The following CIRBP variants were observed in gnomAD, a reference collection of about 807,000 sequenced individuals.
The protein encoded by CIRBP is cold inducible RNA binding protein, also known as cold-inducible RNA-binding protein.
In CIRBP, 11 loss-of-function variants were observed where a neutral mutation model predicts 22.3. That is an observed-to-expected ratio of 0.49 (90% CI 0.31 to 0.82). The LOEUF (loss-of-function observed/expected upper bound fraction) is 0.82, where lower values mean the gene tolerates loss of function less well. Among genes scored for constraint, CIRBP ranks in the 40% least tolerant of loss-of-function variants. The pLI, the probability that CIRBP is intolerant of heterozygous loss-of-function variation, is 0.05. For missense variants in CIRBP, 456 were observed against 402.7 expected (o/e 1.13, Z -1.13); for synonymous variants, 216 against 158.8 (o/e 1.36, Z -2.71).
chr19:1,270,228 GCCAGC>G, intron 1 of CIRBP: 9 of 314,798 alleles, frequency 2.9e-5, no homozygotes, highest in South Asian at 1.6e-4. Flanking sequence ...CTCCCTGACA[GCCAGC>G]CCCCCCCCCA....
chr19:1,271,172 T>C lies in CIRBP; in HGVS notation c.136T>C (p.Ser46Pro). ...TGTGAAAGACAGGGAGACCCAGAGA[T>C]CTCGGGGATTTGGGTTTGTCACCTT... ...VVVKDRETQR[S>P]RGFGFVTFEN... The change falls in exon 3 of 6, where the codon TCT (serine) becomes CCT (proline). Residue 46 changes from serine (S) to proline (P), a missense_variant. Ser to Pro is a moderately conservative substitution (Grantham distance 74). Transcript: ENST00000587896. The C allele has an allele frequency of 6.2e-7, 1 of 1,614,018 alleles. No homozygotes were observed. Among genetic ancestry groups the C allele is most frequent in the Non-Finnish European group, 8.5e-7 (1 of 1,180,014 alleles).
chr19:1,269,594 G>A (rs2081298206), intron 1 of CIRBP, among the ~76,000 whole-genome samples, 184 bp downstream of exon 1: 1 of 151,744 alleles, frequency 6.6e-6, no homozygotes, highest in African/African-American at 2.4e-5. Context: ...GCCTCTCCCC[G>A]CCGGTCCGGG....
intron 1 of CIRBP, 84 bp from the exon 2 acceptor site, chr19:1,270,844 C>T (rs557991691): frequency 1.4e-5 from 12 of 874,638 alleles, no homozygotes; most frequent in African/African-American, 6.7e-5. Context: ...CCCTAAAAAA[C>T]ACATGTCATT....
Position 1,272,176 on chromosome 19 carries a change from G to A in CIRBP, c.627G>A (p.Glu209=). The A allele has an allele frequency of 6.2e-7, 1 of 1,602,416 alleles. No individual in the cohort carries two copies. The highest frequency in any genetic ancestry group is 8.5e-7 in the Non-Finnish European group (1 of 1,175,146). ...LRPCHCACPE[E]AHLSSQSHFY... ...CTTGTCACTGTGCTTGCCCAGAAGA[G>A]GCGCATCTGTCCTCTCAGAGCCATT... is the stretch of plus-strand genomic sequence containing the variant. The change falls in exon 6 of 6, where the codon GAG becomes GAA. Residue 209 remains glutamate, a synonymous_variant. Coordinates refer to ENST00000587896, the MANE Select transcript of CIRBP (RefSeq NM_001300829.2).
In CIRBP at chr19:1,271,563, G is replaced by A. The variant is rs370623674; in HGVS notation, c.362G>A (p.Arg121Gln). ...CCTGTATGTGCAGGAGGAGGGGACCGAGGCTATGGGGGGAACCGGTTCGAG... is the reference window on the plus strand; with the variant it reads ...CCTGTATGTGCAGGAGGAGGGGACCAAGGCTATGGGGGGAACCGGTTCGAG... ...GRGFSRGGGD[R>Q]GYGGNRFESR... The change falls in exon 5 of 6, where the codon CGA becomes CAA. Residue 121 changes from arginine (R) to glutamine (Q), a missense_variant. Physicochemically the swap from Arg to Gln is conservative, Grantham distance 43. Around this residue, in one of 2 missense-constraint regions of CIRBP, gnomAD observed 426 missense variants for 339.6 expected, o/e 1.25. Transcript: ENST00000587896. 3.8e-5 allele frequency: 60 copies of A among 1,586,128 alleles called. No homozygotes were observed. Among genetic ancestry groups the A allele is most frequent in the Non-Finnish European group, 4.8e-5 (56 of 1,166,980 alleles).
intron 1 of CIRBP, chr19:1,270,176 A>T: frequency 4.0e-6 from 2 of 496,628 alleles, no homozygotes; most frequent in South Asian, 2.9e-5. Flanking sequence ...CTGGCTATGG[A>T]AGTCAGTACC....
Position 1,273,026 on chromosome 19 carries a change from G to A in CIRBP, c.*583G>A, listed in dbSNP as rs1163394998. On this transcript the variant is annotated 3_prime_UTR_variant, in exon 6 of 6. Coordinates refer to ENST00000587896, the MANE Select transcript of CIRBP (RefSeq NM_001300829.2). ...GTAGACGTGCAGACGTCCCTGAGAG[G>A]TTCTTGAAGATGTTTATTTATATTG... is the stretch of plus-strand genomic sequence containing the variant. The A allele has an allele frequency of 6.6e-6, 1 of 152,364 alleles. No homozygotes were observed. The highest frequency in any genetic ancestry group is 1.5e-5 in the Non-Finnish European group (1 of 68,138). The allele number at this position is 152,364 out of a possible 1,614,324, so 9.4% of individuals were successfully genotyped here.
At position 1,271,606 on chromosome 19, in the gene CIRBP, C is replaced by T. The variant is rs771621227; in HGVS notation, c.405C>T (p.Tyr135=). Residue 135 remains tyrosine, a synonymous_variant, in exon 5 of 6, where the codon TAC becomes TAT. Coordinates refer to ENST00000587896, the MANE Select transcript of CIRBP (RefSeq NM_001300829.2). Reference sequence around the variant, plus strand: ...GGTTCGAGTCCAGGAGTGGGGGCTACGGAGGCTCCAGAGACTACTATAGCA... The same window carrying T: ...GGTTCGAGTCCAGGAGTGGGGGCTATGGAGGCTCCAGAGACTACTATAGCA... ...GNRFESRSGG[Y]GGSRDYYSSR... The T allele has an allele frequency of 5.6e-5, 87 of 1,558,814 alleles. No homozygotes were observed. Among genetic ancestry groups the T allele is most frequent in the Admixed American group, 6.1e-5 (3 of 49,312 alleles).
Position 1,272,408 on chromosome 19 carries a change from G to C in CIRBP, c.859G>C (p.Ala287Pro). Residue 287 changes from alanine (A) to proline (P), a missense_variant, in exon 6 of 6, where the codon GCC (alanine) becomes CCC (proline). Transcript: ENST00000587896. ...PLVASVPLHC[A>P]CFLSSATHNE The stretch of plus-strand genomic sequence containing the variant: ...TGTTGCTTCGGTGCCTTTACACTGT[G>C]CCTGCTTCTTGTCCTCAGCTACACA... 6.4e-7 allele frequency: 1 copy of C among 1,572,778 alleles called. No homozygotes were observed.
Position 1,274,641 on chromosome 19 carries a change from C to T in CIRBP, c.*2198C>T, listed in dbSNP as rs1168945288. On this transcript the variant is annotated 3_prime_UTR_variant, in exon 6 of 6. Coordinates refer to ENST00000587896, the MANE Select transcript of CIRBP (RefSeq NM_001300829.2). ...CGCCTGTTCTCCCTCCCTTCCTCCT[C>T]CTTCCAGGAGGCGCTTCGCCAGTGA... is the stretch of plus-strand genomic sequence containing the variant. 2 of 247,140 alleles carry T rather than the reference C, an allele frequency of 8.1e-6. No individual in the cohort carries two copies. Among genetic ancestry groups the T allele is most frequent in the Non-Finnish European group, 7.7e-6 (1 of 130,008 alleles). 15.3% of individuals were successfully genotyped at this position (247,140 alleles called of 1,614,324 possible).
At chr19:1,270,726 A>C (rs541427840) in intron 1 of CIRBP, 4 of 563,790 alleles carry the variant, frequency 7.1e-6, no homozygotes, top group Non-Finnish European at 1.3e-5. Flanking sequence ...TGACCCCTGC[A>C]CTCCAGTCTG....
chr19:1,274,222 G>A lies in CIRBP; in HGVS notation c.*1779G>A, dbSNP rs966767871. The A allele has an allele frequency of 1.0e-5, 4 of 400,210 alleles. No individual in the cohort carries two copies. Among genetic ancestry groups the A allele is most frequent in the African/African-American group, 6.2e-5 (3 of 48,678 alleles). The allele number at this position is 400,210 out of a possible 1,614,324, so 24.8% of individuals were successfully genotyped here. A position where few individuals can be genotyped will look rare whatever the true frequency, so the allele number is the denominator to read the frequency against. On this transcript the variant is annotated 3_prime_UTR_variant, in exon 6 of 6. Coordinates refer to ENST00000587896, the MANE Select transcript of CIRBP (RefSeq NM_001300829.2). ...TGACTAGCCTGAGACCTTCCTAGGG[G>A]CTGTGGCTGTTTCCGGGGAGGCCGG...
Position 1,272,252 on chromosome 19 carries a change from G to A in CIRBP, c.703G>A (p.Glu235Lys). ...TGAGACTGACCAAAAAGGCAAGGGA[G>A]AGCGAGGGCCCGCTGGGCAGTCAGC... ...PNETDQKGKG[E>K]RGPAGQSARC... Residue 235 changes from glutamate to lysine, a missense_variant, in exon 6 of 6, where the codon GAG becomes AAG. Transcript: ENST00000587896. 1.9e-6 allele frequency: 3 copies of A among 1,607,692 alleles called. No individual in the cohort carries two copies. The highest frequency in any genetic ancestry group is 2.5e-6 in the Non-Finnish European group (3 of 1,177,590).
chr19:1,270,136 G>T (rs765078903), intron 1 of CIRBP: 2 of 515,818 alleles, frequency 3.9e-6, no homozygotes, highest in African/African-American at 1.9e-5. Context: ...CACTTCCGGG[G>T]CCATCCCTTC....
intron 1 of CIRBP, chr19:1,270,318 A>G: frequency 2.8e-6 from 1 of 357,760 alleles, no homozygotes; most frequent in Non-Finnish European, 5.6e-6. Flanking sequence ...TGGTTAGGGT[A>G]GGAGTTGGCA....
intron 1 of CIRBP, chr19:1,269,855 G>A (rs2081305804): frequency 2.9e-5 from 15 of 519,586 alleles, no homozygotes; most frequent in South Asian, 1.8e-4. Context: ...TTCCCATTGC[G>A]ATTGCATGAG....
chr19:1,269,596 C>T (rs1335971356), intron 1 of CIRBP, among the ~76,000 whole-genome samples, 186 bp downstream of exon 1: 1 of 151,620 alleles, frequency 6.6e-6, no homozygotes, highest in Non-Finnish European at 1.5e-5. Context: ...CTCTCCCCGC[C>T]GGTCCGGGCC....
intron 5 of CIRBP, 27 bp from the exon 6 acceptor site, chr19:1,271,954 G>A (rs369487902): frequency 2.3e-4 from 369 of 1,584,502 alleles, no homozygotes; most frequent in Non-Finnish European, 2.9e-4. Context: ...GGTACCTTCC[G>A]GTACTCAACG....
At chr19:1,270,709 GCTGCAGTGACCC>G (rs1315526154) in intron 1 of CIRBP, among the ~76,000 whole-genome samples, 1 of 152,140 alleles carries the variant, frequency 6.6e-6, no homozygotes, top group Non-Finnish European at 1.5e-5. Flanking sequence ...GGAGGTGGAG[GCTGCAGTGACCC>G]CTGCACTCCA....
Sources: gnomAD v4.1 joint callset for allele counts (sites outside exome capture counted in the v4.1 genomes callset) on GRCh38, gnomAD v4.1.1 for gene constraint, gnomAD v4.1.1 regional missense constraint, MANE v1.5 for transcripts, NCBI Gene and HGNC (gene_info 2026-07-23, HGNC 2026-07-21) for gene names.